MTHFD2L: variants seen among roughly 807,000 people sequenced by gnomAD.
The protein encoded by MTHFD2L is bifunctional methylenetetrahydrofolate dehydrogenase/cyclohydrolase 2, mitochondrial.
A neutral mutation model predicts 34.9 loss-of-function variants in MTHFD2L; 29 were observed. The observed-to-expected ratio is 0.83, with a 90% CI of 0.62 to 1.13. MTHFD2L has a LOEUF of 1.13. Ranked by LOEUF, MTHFD2L falls within the 50% of genes most tolerant of loss-of-function variation. MTHFD2L has a pLI of 0.00. For missense variants in MTHFD2L, 481 were observed against 446.5 expected (o/e 1.08, Z -0.70); for synonymous variants, 167 against 155.7 (o/e 1.07, Z -0.54).
rs181090479 is a variant in MTHFD2L at position 74,199,022 on chromosome 4, A to C, written c.452-772A>C. ...TTATATAATGGCCGAATAAACTTTT[A>C]CATAGAAAATATACTTTTAGTATAT... On this transcript the variant is annotated intron_variant, in intron 3 of 7. Transcript: ENST00000325278. Among the ~76,000 whole-genome samples the C allele has an allele frequency of 2.3e-3, 346 of 152,268 alleles. 2 individuals are homozygous for C. Among genetic ancestry groups the C allele is most frequent in the Admixed American group, 3.5e-3 (53 of 15,302 alleles).
intron 1 of MTHFD2L, among the ~76,000 whole-genome samples, chr4:74,169,497 G>A (rs551906): frequency 0.16 from 23,716 of 152,216 alleles, 4,023 homozygotes; most frequent in African/African-American, 0.42. Flanking sequence ...ATGCAAGACA[G>A]AGTTCAGATG....
chr4:74,281,602 T>C, intron 7 of MTHFD2L, 52 bp downstream of exon 7: 1 of 1,531,186 alleles, frequency 6.5e-7, no homozygotes, highest in Non-Finnish European at 8.8e-7. Context: ...AATTCCACCT[T>C]ACGTATTTTA....
At position 74,243,712 on chromosome 4, in the gene MTHFD2L, A is replaced by G. The variant is rs1008542007; in HGVS notation, c.805+18318A>G. ...TGTTTGGTCCTTACATCACAAGTAT[A>G]TCATAAGCACCTATAAATTCTCCCA... On this transcript the variant is annotated intron_variant, in intron 6 of 7. Coordinates refer to ENST00000325278, the MANE Select transcript of MTHFD2L (RefSeq NM_001144978.3). Among the ~76,000 whole-genome samples, 8 of 152,188 alleles carry G rather than the reference A, an allele frequency of 5.3e-5. 1 individual carries two copies. The highest frequency in any genetic ancestry group is 4.6e-4 in the Admixed American group (7 of 15,278).
At chr4:74,289,369 G>T (rs1043490677) in intron 7 of MTHFD2L, among the ~76,000 whole-genome samples, 2 of 152,146 alleles carry the variant, frequency 1.3e-5, no homozygotes, top group African/African-American at 4.8e-5. Context: ...GGGGGGCCTG[G>T]CTGGCGGTTT....
At chr4:74,212,548 G>T (rs774242196) in intron 5 of MTHFD2L, among the ~76,000 whole-genome samples, 3 of 152,024 alleles carry the variant, frequency 2.0e-5, no homozygotes, top group Non-Finnish European at 4.4e-5. Context: ...ATTGCACTGG[G>T]GTCTGAGATA....
chr4:74,297,008 A>G (rs1456628201), intron 7 of MTHFD2L, among the ~76,000 whole-genome samples: 3 of 152,092 alleles, frequency 2.0e-5, no homozygotes, highest in Non-Finnish European at 4.4e-5. Context: ...TACATCCAAA[A>G]TGACTGTTTT....
chr4:74,212,294 G>A (rs144603959), intron 5 of MTHFD2L, among the ~76,000 whole-genome samples: 3,546 of 151,994 alleles, frequency 0.023, 140 homozygotes, highest in African/African-American at 0.081. Flanking sequence ...TTAGGGTGTC[G>A]ATTTTAGATC....
intron 2 of MTHFD2L, 72 bp downstream of exon 2, chr4:74,174,762 G>C (rs962677536): frequency 7.7e-5 from 80 of 1,040,536 alleles, no homozygotes; most frequent in Non-Finnish European, 1.0e-4. Flanking sequence ...TGATAATTAT[G>C]AATGATAATT....
chr4:74,214,851 T>C (rs1736921752), intron 5 of MTHFD2L, among the ~76,000 whole-genome samples: 3 of 151,684 alleles, frequency 2.0e-5, no homozygotes, highest in Non-Finnish European at 4.4e-5. Flanking sequence ...AATGAGAGTT[T>C]TATCTATAAG....
chr4:74,125,436 T>C (rs1722001452), upstream of MTHFD2L: 1 of 152,176 alleles, frequency 6.6e-6, no homozygotes, highest in Non-Finnish European at 1.5e-5. Flanking sequence ...TTTTCACTCT[T>C]TAGTGTGAAG....
In MTHFD2L at chr4:74,131,129, A is replaced by G. The variant is rs1046179337; in HGVS notation, c.-297+5612A>G. On this transcript the variant is annotated intron_variant, in intron 1 of 7. Coordinates refer to the MTHFD2L transcript ENST00000433372. The stretch of plus-strand genomic sequence containing the variant: ...AAACATTCTATGCTCATTGATAGGA[A>G]GAATCAATATTGTGAAAAAGGCCAT... 2.0e-5 allele frequency among the ~76,000 whole-genome samples: 3 copies of G among 152,234 alleles called. No homozygotes were observed. In the South Asian group the frequency reaches 6.2e-4, roughly 31 times the overall value.
At chr4:74,123,477 C>T (rs919923940), upstream of MTHFD2L, 6 of 151,844 alleles carry the variant, frequency 4.0e-5, no homozygotes, top group African/African-American at 1.2e-4. Flanking sequence ...TATGATTCTC[C>T]GAAAGCAAGG....
chr4:74,158,744 T>A (rs1054871419), intron 1 of MTHFD2L, among the ~76,000 whole-genome samples: 7 of 152,244 alleles, frequency 4.6e-5, no homozygotes, highest in Non-Finnish European at 8.8e-5. Context: ...AAATTATTTA[T>A]GGTTTCACAA....
chr4:74,159,626 T>TA (rs1410748014), intron 1 of MTHFD2L, among the ~76,000 whole-genome samples: 2 of 152,190 alleles, frequency 1.3e-5, no homozygotes, highest in Non-Finnish European at 2.9e-5. Context: ...AAACAACAGT[T>TA]ACAACCCCAA....
intron 1 of MTHFD2L, among the ~76,000 whole-genome samples, chr4:74,171,321 C>T (rs1727932991): frequency 1.3e-5 from 2 of 152,072 alleles, no homozygotes; most frequent in Non-Finnish European, 2.9e-5. Flanking sequence ...ACTAAAATGT[C>T]AACAGTTTTA....
chr4:74,258,389 A>AACACAC (rs141804252), intron 6 of MTHFD2L, among the ~76,000 whole-genome samples: 8 of 149,238 alleles, frequency 5.4e-5, no homozygotes, highest in African/African-American at 1.7e-4. Context: ...ATAGGCACAT[A>AACACAC]ACACACACAC....
chr4:74,218,070 T>G (rs1189683989), intron 5 of MTHFD2L, among the ~76,000 whole-genome samples: 1 of 152,146 alleles, frequency 6.6e-6, no homozygotes, highest in East Asian at 1.9e-4. Context: ...TGTACCTGCT[T>G]TCCATATGAG....
intron 3 of MTHFD2L, among the ~76,000 whole-genome samples, chr4:74,185,786 A>G (rs774190904): frequency 2.0e-5 from 3 of 152,318 alleles, no homozygotes; most frequent in Admixed American, 1.3e-4. Flanking sequence ...CCATTCCACA[A>G]TGAAAGCTCT....
At chr4:74,241,366 C>A (rs765192722) in intron 6 of MTHFD2L, among the ~76,000 whole-genome samples, 8 of 151,938 alleles carry the variant, frequency 5.3e-5, no homozygotes, top group Non-Finnish European at 1.2e-4. Context: ...AGGTGCAGAT[C>A]CATTTTTCCC....
Sources: allele counts gnomAD v4.1 joint callset (sites outside exome capture counted in the v4.1 genomes callset), GRCh38; gene constraint gnomAD v4.1.1; transcripts MANE v1.5; gene names NCBI Gene and HGNC (gene_info 2026-07-23, HGNC 2026-07-21).